The following LRFN2 variants were observed in gnomAD, a reference collection of about 807,000 sequenced individuals.
The protein encoded by LRFN2 is leucine rich repeat and fibronectin type III domain containing 2, also known as leucine-rich repeat and fibronectin type-III domain-containing protein 2.
Under a neutral mutation model 37.3 loss-of-function variants are expected in LRFN2, and 18 were observed. That is an observed-to-expected ratio of 0.48 (90% CI 0.33 to 0.72). The LOEUF is 0.72. Among genes scored for constraint, LRFN2 ranks in the 30% least tolerant of loss-of-function variants. The pLI, the probability that LRFN2 is intolerant of heterozygous loss-of-function variation, is 0.02. For synonymous variants in LRFN2, 556 were observed against 466.6 expected (o/e 1.19, Z -2.47); for missense variants, 1,006 against 1,060.7 (o/e 0.95, Z 0.72).
At chr6:40,511,548 C>G (rs766889193) in intron 1 of LRFN2, among the ~76,000 whole-genome samples, 13 of 152,210 alleles carry the variant, frequency 8.5e-5, no homozygotes, top group Non-Finnish European at 1.6e-4. Context: ...CCACCCAGCT[C>G]TGGAGTGTGT....
At chr6:40,480,464 A>T (rs1764802100) in intron 1 of LRFN2, among the ~76,000 whole-genome samples, 1 of 151,994 alleles carries the variant, frequency 6.6e-6, no homozygotes, top group African/African-American at 2.4e-5. Context: ...TTTTGTAGAG[A>T]TGGGGGTCTT....
In LRFN2 at chr6:40,392,176, G is replaced by T; in HGVS notation, c.2137C>A (p.Pro713Thr). 1.3e-6 allele frequency: 2 copies of T among 1,595,848 alleles called. No individual in the cohort carries two copies. Among genetic ancestry groups the T allele is most frequent in the Non-Finnish European group, 1.7e-6 (2 of 1,170,524 alleles). Reference protein sequence around the residue: ...AARARSLLPLPLEGKAKRSHS... With the variant: ...AARARSLLPLTLEGKAKRSHS... ...CTGCGTTTGGCCTTGCCCTCCAACGGCAAGGGGAGCAGGCTCCTGGCCCGG... is the reference window on the plus strand; with the variant it reads ...CTGCGTTTGGCCTTGCCCTCCAACGTCAAGGGGAGCAGGCTCCTGGCCCGG... The change falls in exon 3 of 3, where the codon CCG becomes ACG. Residue 713 changes from proline (P) to threonine (T), a missense_variant. By Grantham distance (38) the Pro-to-Thr change is conservative (BLOSUM62 -1). This residue lies in a region of LRFN2 where 398 missense variants were observed against 327.6 expected (regional missense o/e 1.21). Transcript: ENST00000338305. The surrounding 1 kb of genome is among the most constrained non-coding windows in gnomAD (Gnocchi z 4.7).
chr6:40,456,415 G>A (rs1764236059), intron 1 of LRFN2, among the ~76,000 whole-genome samples: 1 of 152,232 alleles, frequency 6.6e-6, no homozygotes, highest in Non-Finnish European at 1.5e-5. Context: ...AGAGAAACTA[G>A]ACCCAGGTAT....
intron 2 of LRFN2, among the ~76,000 whole-genome samples, chr6:40,397,872 G>A (rs947353815): frequency 3.4e-5 from 5 of 148,742 alleles, no homozygotes; most frequent in Non-Finnish European, 6.1e-5. Context: ...GATGGATGCC[G>A]GCCCATGGAC....
intron 1 of LRFN2, among the ~76,000 whole-genome samples, chr6:40,446,745 G>C (rs1163832735): frequency 6.6e-6 from 1 of 152,252 alleles, no homozygotes; most frequent in Non-Finnish European, 1.5e-5. Context: ...GAGACAGAGA[G>C]GTGCAGGCAG....
chr6:40,487,584 G>A (rs564601535), intron 1 of LRFN2, among the ~76,000 whole-genome samples: 16 of 152,402 alleles, frequency 1.0e-4, no homozygotes, highest in African/African-American at 3.8e-4. Flanking sequence ...GCTGTGAAAG[G>A]TGCATGGCCT....
At chr6:40,471,432 C>T (rs145849491) in intron 1 of LRFN2, among the ~76,000 whole-genome samples, 172 of 152,270 alleles carry the variant, frequency 1.1e-3, no homozygotes, top group African/African-American at 3.9e-3. Context: ...TGCAAAGTGT[C>T]ACACCGACTG....
At chr6:40,504,218 A>G (rs765653416) in intron 1 of LRFN2, among the ~76,000 whole-genome samples, 3 of 152,270 alleles carry the variant, frequency 2.0e-5, no homozygotes, top group Non-Finnish European at 4.4e-5. Context: ...AGTAAAAGCT[A>G]GAATTTTCCA....
intron 1 of LRFN2, among the ~76,000 whole-genome samples, chr6:40,540,843 C>T (rs1766541864): frequency 6.6e-6 from 1 of 152,194 alleles, no homozygotes; most frequent in South Asian, 2.1e-4. Flanking sequence ...GCAAACATCT[C>T]CATGACAGAA....
chr6:40,511,982 G>A (rs1765721187), intron 1 of LRFN2, among the ~76,000 whole-genome samples: 1 of 152,146 alleles, frequency 6.6e-6, no homozygotes, highest in African/African-American at 2.4e-5. Flanking sequence ...AGGCAGGGAG[G>A]GTTTTGCAAA....
At chr6:40,579,521 T>C (rs1195488987) in intron 1 of LRFN2, among the ~76,000 whole-genome samples, 6 of 16,534 alleles carry the variant, frequency 3.6e-4, no homozygotes, top group Non-Finnish European at 6.5e-4. Context: ...CCATCATCAT[T>C]ATCATCATCA....
At chr6:40,558,872 C>A (rs552240611) in intron 1 of LRFN2, among the ~76,000 whole-genome samples, 5 of 152,188 alleles carry the variant, frequency 3.3e-5, no homozygotes, top group African/African-American at 9.7e-5. Context: ...CAATCAGAGG[C>A]ATCTCAATCC....
intron 1 of LRFN2, among the ~76,000 whole-genome samples, chr6:40,556,088 C>T (rs1323616393): frequency 6.6e-6 from 1 of 152,204 alleles, no homozygotes; most frequent in Non-Finnish European, 1.5e-5. Flanking sequence ...GCCACCCACC[C>T]AGTCCACCTG....
chr6:40,555,406 C>A lies in LRFN2; in HGVS notation c.-19+31535G>T, dbSNP rs926127715. Among the ~76,000 whole-genome samples the A allele has an allele frequency of 3.9e-5, 6 of 152,180 alleles. No homozygotes were observed. The East Asian group carries it at 1.2e-3, about 29-fold the overall frequency. On this transcript the variant is annotated intron_variant, in intron 1 of 2. Coordinates refer to ENST00000338305, the MANE Select transcript of LRFN2 (RefSeq NM_020737.3). ...CCTCTCCCCTCCACAAGTGAGACTACGCCAGCAGGATGCAGTAAACCTTTC... is the reference window on the plus strand; with the variant it reads ...CCTCTCCCCTCCACAAGTGAGACTAAGCCAGCAGGATGCAGTAAACCTTTC...
intron 1 of LRFN2, among the ~76,000 whole-genome samples, chr6:40,562,201 A>G (rs1767006656): frequency 6.6e-6 from 1 of 152,138 alleles, no homozygotes; most frequent in African/African-American, 2.4e-5. Context: ...AGGCTGAGCT[A>G]TAGCAATCAC....
At position 40,427,932 on chromosome 6, in the gene LRFN2, G is replaced by T. The variant is rs532553057; in HGVS notation, c.1400+3782C>A. On this transcript the variant is annotated intron_variant, in intron 2 of 2. Transcript: ENST00000338305. ...TGTGATGCAGGCCTGTTGGGCTTTG[G>T]CATTCCTCTCCATAGTATTGGTCTT... Among the ~76,000 whole-genome samples the T allele has an allele frequency of 1.4e-4, 22 of 152,332 alleles. No individual in the cohort carries two copies. In the South Asian group the frequency reaches 4.6e-3, roughly 32 times the overall value.
chr6:40,497,617 T>C (rs1341988065), intron 1 of LRFN2, among the ~76,000 whole-genome samples: 1 of 152,174 alleles, frequency 6.6e-6, no homozygotes, highest in Non-Finnish European at 1.5e-5. Flanking sequence ...AGAATGTACT[T>C]ACAATAGGAA....
At chr6:40,530,257 AG>A (rs1343751698) in intron 1 of LRFN2, among the ~76,000 whole-genome samples, 6 of 152,208 alleles carry the variant, frequency 3.9e-5, no homozygotes, top group African/African-American at 1.4e-4. Flanking sequence ...GAAGTCTAAC[AG>A]GGAAGAATGC....
intron 1 of LRFN2, among the ~76,000 whole-genome samples, chr6:40,438,800 A>G (rs1356500043): frequency 6.6e-6 from 1 of 152,216 alleles, no homozygotes; most frequent in Non-Finnish European, 1.5e-5. Context: ...CCCACCTGTC[A>G]GGCCCTGATA....
Sources: allele counts gnomAD v4.1 joint callset (sites outside exome capture counted in the v4.1 genomes callset), GRCh38; gene constraint gnomAD v4.1.1; regional missense constraint gnomAD v4.1.1; non-coding constraint Gnocchi (gnomAD v3.1); transcripts MANE v1.5; gene names NCBI Gene and HGNC (gene_info 2026-07-23, HGNC 2026-07-21).